DHX15: variants seen among roughly 807,000 people sequenced by gnomAD.
DHX15 encodes the protein ATP-dependent RNA helicase DHX15.
A neutral mutation model predicts 94.4 loss-of-function variants in DHX15; 11 were observed. The observed-to-expected ratio is 0.12, with a 90% CI of 0.07 to 0.19. The LOEUF (loss-of-function observed/expected upper bound fraction) is 0.19, where lower values mean the gene tolerates loss of function less well. Ranked by LOEUF, DHX15 falls within the 10% of genes least tolerant of loss-of-function variation. The pLI is 1.00. For synonymous variants in DHX15, 338 were observed against 329.9 expected (o/e 1.02, Z -0.27); for missense variants, 304 against 988.5 (o/e 0.31, Z 9.29).
At chr4:24,583,874 C>A (rs1026105198) in intron 1 of DHX15, among the ~76,000 whole-genome samples, 3 of 152,108 alleles carry the variant, frequency 2.0e-5, no homozygotes, top group Non-Finnish European at 1.5e-5. Context: ...CGCGCCCCCA[C>A]CCAGGCCCTC....
chr4:24,539,558 C>A (rs76808279), intron 10 of DHX15, among the ~76,000 whole-genome samples: 9,800 of 152,008 alleles, frequency 0.064, 393 homozygotes, highest in African/African-American at 0.11. Context: ...AGTTTTTCTA[C>A]CATTGTAAAA....
chr4:24,532,426 A>T, intron 12 of DHX15, among the ~76,000 whole-genome samples: 1 of 152,178 alleles, frequency 6.6e-6, no homozygotes, highest in East Asian at 1.9e-4. Flanking sequence ...AACTGTATGT[A>T]CTTTTGGATC....
intron 3 of DHX15, among the ~76,000 whole-genome samples, chr4:24,565,966 C>T (rs959314194): frequency 9.9e-5 from 15 of 151,982 alleles, no homozygotes; most frequent in Admixed American, 9.2e-4. Context: ...GTGGGCAGAG[C>T]TAGGACAACT....
At chr4:24,529,201 C>G (rs1301368331) in intron 13 of DHX15, among the ~76,000 whole-genome samples, 1 of 151,946 alleles carries the variant, frequency 6.6e-6, no homozygotes. Context: ...AATTTTTGTA[C>G]ACACCTATAT....
intron 3 of DHX15, among the ~76,000 whole-genome samples, chr4:24,561,073 G>C (rs1315320000): frequency 1.3e-5 from 2 of 152,202 alleles, no homozygotes; most frequent in Admixed American, 6.5e-5. Context: ...AATTTCACTT[G>C]TAGGGAATTT....
intron 1 of DHX15, 37 bp downstream of exon 1, chr4:24,584,286 G>C (rs1722555143): frequency 6.3e-7 from 1 of 1,593,666 alleles, no homozygotes; most frequent in Non-Finnish European, 8.5e-7. Context: ...CCCCAACAAA[G>C]CCCGAGCTGC....
chr4:24,567,753 G>T (rs998961653), intron 3 of DHX15, among the ~76,000 whole-genome samples: 1 of 152,116 alleles, frequency 6.6e-6, no homozygotes, highest in African/African-American at 2.4e-5. Flanking sequence ...AAGCTCTTTA[G>T]GTATCTCTTT....
chr4:24,533,401 G>T (rs770623646), intron 11 of DHX15: 32 of 306,474 alleles, frequency 1.0e-4, no homozygotes, highest in Middle Eastern at 1.1e-3. Flanking sequence ...AAAAGTCATG[G>T]CCTGTTCATT....
At chr4:24,528,102 T>G in intron 13 of DHX15, 61 bp from the exon 14 acceptor site, 6 of 1,143,554 alleles carry the variant, frequency 5.2e-6, no homozygotes, top group Non-Finnish European at 7.9e-6. Context: ...CTGGAGTTGT[T>G]AATAGGATAG....
chr4:24,535,529 G>A (rs1372546286), intron 11 of DHX15, among the ~76,000 whole-genome samples: 1 of 152,150 alleles, frequency 6.6e-6, no homozygotes, highest in African/African-American at 2.4e-5. Context: ...TTAAATAACT[G>A]TTCTAAGGTA....
In DHX15 at chr4:24,584,437, C is replaced by G. The variant is rs1186162613; in HGVS notation, c.-44G>C. The stretch of plus-strand genomic sequence containing the variant: ...GGCAGTTATTAAGGAAGAAAGCTGG[C>G]TGCTGTATGGGCACAGTCGAGGACA... On this transcript the variant is annotated 5_prime_UTR_variant, in exon 1 of 14. Transcript: ENST00000336812. The G allele has an allele frequency of 6.3e-7, 1 of 1,589,292 alleles. No individual in the cohort carries two copies.
At position 24,572,907 on chromosome 4, in the gene DHX15, G is replaced by A. The variant is rs566651875; in HGVS notation, c.508-2060C>T. On this transcript the variant is annotated intron_variant, in intron 2 of 13. Transcript: ENST00000336812. ...ACTGGTGTATTCAAGCCAGGGATCCGGCTTTTTTGTTTTTTTCTTTTAAGA... is the reference window on the plus strand; with the variant it reads ...ACTGGTGTATTCAAGCCAGGGATCCAGCTTTTTTGTTTTTTTCTTTTAAGA... Among the ~76,000 whole-genome samples, 18 of 152,010 alleles carry A rather than the reference G, an allele frequency of 1.2e-4. No homozygotes were observed. In the South Asian group the frequency reaches 2.5e-3, roughly 21 times the overall value.
chr4:24,546,642 C>T (rs967800678), intron 6 of DHX15, among the ~76,000 whole-genome samples: 1 of 152,098 alleles, frequency 6.6e-6, no homozygotes, highest in Non-Finnish European at 1.5e-5. Context: ...AACTTGAAAT[C>T]GTTCACCATT....
chr4:24,550,695 C>T (rs1405568699), intron 5 of DHX15, among the ~76,000 whole-genome samples: 1 of 152,174 alleles, frequency 6.6e-6, no homozygotes, highest in African/African-American at 2.4e-5. Flanking sequence ...TCTCCTAGAA[C>T]ACCTCCTGAA....
chr4:24,534,250 C>G (rs1721148355), intron 11 of DHX15: 1 of 152,162 alleles, frequency 6.6e-6, no homozygotes, highest in Non-Finnish European at 1.5e-5. Flanking sequence ...GGTAATTTTA[C>G]TTATGCTGAT....
chr4:24,564,420 C>G (rs1252500027), intron 3 of DHX15, among the ~76,000 whole-genome samples: 1 of 152,170 alleles, frequency 6.6e-6, no homozygotes, highest in African/African-American at 2.4e-5. Context: ...ACCAGCTCAT[C>G]TACCTATAGT....
At chr4:24,561,778 G>T (rs61793308) in intron 3 of DHX15, among the ~76,000 whole-genome samples, 47 of 151,948 alleles carry the variant, frequency 3.1e-4, no homozygotes, top group East Asian at 2.1e-3. Flanking sequence ...ACAAACCAGA[G>T]GATGGAGGGT....
chr4:24,542,317 T>G (rs574663615), intron 7 of DHX15, among the ~76,000 whole-genome samples: 1 of 152,264 alleles, frequency 6.6e-6, no homozygotes, highest in Non-Finnish European at 1.5e-5. Flanking sequence ...TTCCTTGCTT[T>G]TTATATGCTG....
intron 3 of DHX15, among the ~76,000 whole-genome samples, chr4:24,561,834 C>T (rs1218163236): frequency 6.6e-6 from 1 of 152,030 alleles, no homozygotes; most frequent in Non-Finnish European, 1.5e-5. Context: ...GGTAACTATG[C>T]TTATTACCCG....
Sources: gnomAD v4.1 joint callset for allele counts (sites outside exome capture counted in the v4.1 genomes callset) on GRCh38, gnomAD v4.1.1 for gene constraint, MANE v1.5 for transcripts, NCBI Gene and HGNC (gene_info 2026-07-23, HGNC 2026-07-21) for gene names.